The following NCKAP1L variants were observed in gnomAD, a reference collection of about 807,000 sequenced individuals.
NCKAP1L encodes the protein NCK associated protein 1 like.
In NCKAP1L, 53 loss-of-function variants were observed where a neutral mutation model predicts 139.2. That is an observed-to-expected ratio of 0.38 (90% CI 0.31 to 0.48). The LOEUF (loss-of-function observed/expected upper bound fraction) is 0.48, where lower values mean the gene tolerates loss of function less well. NCKAP1L is among the 20% of genes least tolerant of loss of function. The pLI is 0.98. For missense variants in NCKAP1L, 1,151 were observed against 1,381.9 expected (o/e 0.83, Z 2.65); for synonymous variants, 468 against 499.7 (o/e 0.94, Z 0.85).
intron 26 of NCKAP1L, among the ~76,000 whole-genome samples, chr12:54,533,241 A>G (rs777746014): frequency 3.9e-5 from 6 of 152,128 alleles, no homozygotes; most frequent in Non-Finnish European, 8.8e-5. Context: ...TGTCTAGCTG[A>G]TATCTCCTGG....
intron 3 of NCKAP1L, among the ~76,000 whole-genome samples, chr12:54,506,812 T>A (rs1366413640): frequency 7.3e-6 from 1 of 137,126 alleles, no homozygotes; most frequent in African/African-American, 2.7e-5. Context: ...TATATATATA[T>A]ATATATATAT....
chr12:54,498,399 TTGTGTGTG>T (rs766272206), intron 1 of NCKAP1L, among the ~76,000 whole-genome samples: 46 of 142,366 alleles, frequency 3.2e-4, no homozygotes, highest in African/African-American at 9.3e-4. Context: ...GCTGTGGTGG[TTGTGTGTG>T]TGTGTGTGTG....
At chr12:54,530,576 A>G (rs1390556386) in intron 22 of NCKAP1L, among the ~76,000 whole-genome samples, 1 of 152,190 alleles carries the variant, frequency 6.6e-6, no homozygotes, top group African/African-American at 2.4e-5. Flanking sequence ...CATACAATAA[A>G]CATCAGATCT....
At chr12:54,526,077 T>C (rs940203837) in intron 20 of NCKAP1L, among the ~76,000 whole-genome samples, 3 of 152,234 alleles carry the variant, frequency 2.0e-5, no homozygotes, top group Admixed American at 2.0e-4. Flanking sequence ...TTTCTAAGCA[T>C]GGTTTTCCAT....
chr12:54,513,535 G>C (rs532432565), intron 9 of NCKAP1L, among the ~76,000 whole-genome samples: 7 of 152,286 alleles, frequency 4.6e-5, no homozygotes, highest in Non-Finnish European at 5.9e-5. Context: ...AAATCAGTGG[G>C]AGATACTGAA....
intron 28 of NCKAP1L, 47 bp downstream of exon 28, chr12:54,536,292 T>C (rs1957112282): frequency 1.5e-6 from 2 of 1,310,422 alleles, no homozygotes; most frequent in Admixed American, 3.4e-5. Context: ...CAAGTTAGTG[T>C]CCTGGGGTAG....
chr12:54,516,672 C>CT (rs1225278800), intron 10 of NCKAP1L, among the ~76,000 whole-genome samples: 2 of 152,156 alleles, frequency 1.3e-5, no homozygotes, highest in African/African-American at 4.8e-5. Flanking sequence ...TCTTGAACTC[C>CT]TGACCTCAGG....
intron 26 of NCKAP1L, among the ~76,000 whole-genome samples, chr12:54,533,962 G>A (rs1319857928): frequency 6.6e-6 from 1 of 152,192 alleles, no homozygotes; most frequent in Non-Finnish European, 1.5e-5. Flanking sequence ...AATCTAAAAA[G>A]GGGTCTAGGT....
chr12:54,514,227 A>G (rs1956912513), intron 9 of NCKAP1L, among the ~76,000 whole-genome samples: 2 of 152,188 alleles, frequency 1.3e-5, no homozygotes, highest in African/African-American at 4.8e-5. Flanking sequence ...ATTGATGGAT[A>G]TTTAAGCTGT....
In NCKAP1L at chr12:54,528,299, C is replaced by T. The variant is rs889191598; in HGVS notation, c.2428C>T (p.Pro810Ser). Residue 810 changes from proline (P) to serine (S), a missense_variant, in exon 22 of 31, where the codon CCA becomes TCA. Coordinates refer to ENST00000293373, the MANE Select transcript of NCKAP1L (RefSeq NM_005337.5). The part of the protein sequence containing the change: ...QASSGTIILS[P>S]AMQAFVSLPR... ...AAGCAGTGGGACCATCATCCTCTCC[C>T]CAGCCATGCAGGCCTTCGTCAGCCT... is the stretch of plus-strand genomic sequence containing the variant. 6 of 1,614,018 alleles carry T rather than the reference C, an allele frequency of 3.7e-6. No individual in the cohort carries two copies. Among genetic ancestry groups the T allele is most frequent in the Non-Finnish European group, 5.1e-6 (6 of 1,179,956 alleles).
intron 3 of NCKAP1L, among the ~76,000 whole-genome samples, chr12:54,506,106 G>A (rs1956837629): frequency 6.6e-6 from 1 of 152,128 alleles, no homozygotes; most frequent in South Asian, 2.1e-4. Context: ...AATCTTTGTG[G>A]GGACATATTT....
intron 10 of NCKAP1L, 28 bp downstream of exon 10, chr12:54,516,323 G>A (rs750094230): frequency 2.0e-5 from 32 of 1,601,724 alleles, no homozygotes; most frequent in Non-Finnish European, 2.6e-5. Context: ...CACTCTCTGA[G>A]AGGGGATGGA....
chr12:54,518,267 G>A (rs1417931423), intron 13 of NCKAP1L, among the ~76,000 whole-genome samples: 2 of 151,886 alleles, frequency 1.3e-5, no homozygotes, highest in East Asian at 1.9e-4. Flanking sequence ...GCGTGAACCC[G>A]AGAGGCAGAG....
rs558387284 is a variant in NCKAP1L at position 54,500,533 on chromosome 12, C to A, written c.214C>A (p.Gln72Lys). ...FPNIDVRNST[Q>K]HLGPVHREKA... Reference sequence around the variant, plus strand: ...TTGTTTTGTTTTGTGTTTCTCTCAGCAACATTTAGGACCAGTACATCGTGA... The same window carrying A: ...TTGTTTTGTTTTGTGTTTCTCTCAGAAACATTTAGGACCAGTACATCGTGA... The change falls in exon 3 of 31, where the codon CAA becomes AAA. Residue 72 changes from glutamine (Q) to lysine (K), a missense_variant and splice_region_variant. Coordinates refer to ENST00000293373, the MANE Select transcript of NCKAP1L (RefSeq NM_005337.5). 6.2e-7 allele frequency: 1 copy of A among 1,604,608 alleles called. No individual in the cohort carries two copies. Among genetic ancestry groups the A allele is most frequent in the Non-Finnish European group, 8.5e-7 (1 of 1,171,690 alleles).
chr12:54,538,751 T>C, intron 29 of NCKAP1L, 133 bp from the exon 30 acceptor site: 1 of 692,168 alleles, frequency 1.4e-6, no homozygotes, highest in Non-Finnish European at 2.5e-6. Flanking sequence ...TTTGCCACTT[T>C]CCCACCCTGA....
In NCKAP1L at chr12:54,497,794, C is replaced by T; in HGVS notation, c.5C>T (p.Ser2Phe). The T allele has an allele frequency of 6.2e-7, 1 of 1,609,550 alleles. No homozygotes were observed. The highest frequency in any genetic ancestry group is 8.5e-7 in the Non-Finnish European group (1 of 1,175,890). Residue 2 changes from serine to phenylalanine, a missense_variant, in exon 1 of 31, where the codon TCT (serine) becomes TTT (phenylalanine). Coordinates refer to ENST00000293373, the MANE Select transcript of NCKAP1L (RefSeq NM_005337.5). The stretch of plus-strand genomic sequence containing the variant: ...GCTCCTCTCTCAGTGGCCATCATGT[C>T]TTTGACATCTGCTTACCAGCATAAA... M[S>F]LTSAYQHKLA...
chr12:54,535,022 C>A, intron 26 of NCKAP1L, 82 bp from the exon 27 acceptor site: 1 of 1,083,032 alleles, frequency 9.2e-7, no homozygotes, highest in East Asian at 2.5e-5. Flanking sequence ...ACCTGTGATC[C>A]AAAAGTCCTG....
chr12:54,522,774 G>A (rs1054858607), intron 18 of NCKAP1L, among the ~76,000 whole-genome samples: 1 of 152,230 alleles, frequency 6.6e-6, no homozygotes, highest in African/African-American at 2.4e-5. Context: ...AGTAAATGGA[G>A]AGAATTCCAG....
chr12:54,507,668 G>A (rs781432752), intron 3 of NCKAP1L, among the ~76,000 whole-genome samples, 185 bp from the exon 4 acceptor site: 6 of 151,870 alleles, frequency 4.0e-5, no homozygotes, highest in Non-Finnish European at 8.8e-5. Context: ...GGCAGTGTAG[G>A]TCATAGGGGC....
Sources: allele counts gnomAD v4.1 joint callset (sites outside exome capture counted in the v4.1 genomes callset), GRCh38; gene constraint gnomAD v4.1.1; transcripts MANE v1.5; gene names NCBI Gene and HGNC (gene_info 2026-07-23, HGNC 2026-07-21).